CDK19: variants seen among roughly 807,000 people sequenced by gnomAD.
CDK19 encodes the protein cyclin-dependent kinase 19.
In CDK19, 20 loss-of-function variants were observed where a neutral mutation model predicts 68.3. The ratio of observed to expected loss-of-function variants is 0.29; its 90% CI spans 0.21 to 0.43. The LOEUF (loss-of-function observed/expected upper bound fraction) is 0.43, where lower values mean the gene tolerates loss of function less well. CDK19 is among the 20% of genes least tolerant of loss of function. The pLI is 1.00. For missense variants in CDK19, 339 were observed against 623.5 expected (o/e 0.54, Z 4.86); for synonymous variants, 221 against 222.8 (o/e 0.99, Z 0.07).
intron 1 of CDK19, among the ~76,000 whole-genome samples, chr6:110,758,515 A>G (rs537063254): frequency 2.0e-5 from 3 of 152,308 alleles, no homozygotes; most frequent in African/African-American, 4.8e-5. Flanking sequence ...TCATTTCTGT[A>G]TATTCTCTAG....
intron 1 of CDK19, among the ~76,000 whole-genome samples, chr6:110,811,060 G>A (rs891775292): frequency 7.9e-5 from 12 of 152,136 alleles, no homozygotes; most frequent in African/African-American, 2.7e-4. Context: ...GTGACACTAT[G>A]AGCATGACAG....
intron 5 of CDK19, among the ~76,000 whole-genome samples, chr6:110,634,294 G>C (rs1779620541): frequency 6.6e-6 from 1 of 152,174 alleles, no homozygotes; most frequent in Non-Finnish European, 1.5e-5. Context: ...TCAGCTCCCT[G>C]CAACCTCTAC....
intron 2 of CDK19, 80 bp from the exon 3 acceptor site, chr6:110,670,621 G>A (rs978691044): frequency 1.7e-5 from 14 of 822,852 alleles, no homozygotes; most frequent in African/African-American, 8.5e-5. Context: ...ACTTCAAAAC[G>A]AAATTTCTGA....
intron 2 of CDK19, among the ~76,000 whole-genome samples, chr6:110,703,266 G>A (rs763643020): frequency 1.2e-4 from 18 of 152,096 alleles, no homozygotes; most frequent in Admixed American, 8.5e-4. Flanking sequence ...GAATAGGCAA[G>A]CTGACTCAAA....
chr6:110,621,469 G>C lies in CDK19; in HGVS notation c.1111-99C>G. 6.6e-6 allele frequency: 8 copies of C among 1,203,214 alleles called. No individual in the cohort carries two copies. In the South Asian group the frequency reaches 1.0e-4, roughly 16 times the overall value. The allele number at this position is 1,203,214 out of a possible 1,614,324, so 74.5% of individuals were successfully genotyped here. On this transcript the variant is annotated intron_variant, in intron 11 of 12. Transcript: ENST00000368911. The surrounding 1 kb of genome is among the most constrained non-coding windows in gnomAD (Gnocchi z 5.4). The stretch of plus-strand genomic sequence containing the variant: ...CATGTGGCTGCTGACCAACCTGGGG[G>C]AGCAATCTATGTGGGACACTAGAGT...
At chr6:110,657,500 G>A (rs1781375537) in intron 4 of CDK19, among the ~76,000 whole-genome samples, 1 of 152,014 alleles carries the variant, frequency 6.6e-6, no homozygotes, top group Non-Finnish European at 1.5e-5. Context: ...ATTAAAATGG[G>A]TATACCTTAC....
intron 2 of CDK19, among the ~76,000 whole-genome samples, chr6:110,743,389 T>C (rs1179042244): frequency 1.3e-5 from 2 of 152,106 alleles, no homozygotes; most frequent in African/African-American, 4.8e-5. Context: ...TGCCTGTAAC[T>C]ACAGCACTTT....
intron 2 of CDK19, among the ~76,000 whole-genome samples, chr6:110,720,607 C>G (rs1461239363): frequency 6.6e-6 from 1 of 152,190 alleles, no homozygotes; most frequent in African/African-American, 2.4e-5. Context: ...TGGCTCATGT[C>G]TGTAATCCCA....
chr6:110,743,317 A>G (rs367980196), intron 2 of CDK19, among the ~76,000 whole-genome samples: 1 of 152,160 alleles, frequency 6.6e-6, no homozygotes, highest in African/African-American at 2.4e-5. Flanking sequence ...CACACTTTCT[A>G]AAGTTCTATT....
At chr6:110,703,817 T>C (rs758388475) in intron 2 of CDK19, among the ~76,000 whole-genome samples, 4 of 152,138 alleles carry the variant, frequency 2.6e-5, no homozygotes, top group African/African-American at 7.2e-5. Flanking sequence ...TCTAGCCTCA[T>C]TGACAGAGCA....
At chr6:110,708,860 T>A (rs1770994513) in intron 2 of CDK19, among the ~76,000 whole-genome samples, 2 of 152,212 alleles carry the variant, frequency 1.3e-5, no homozygotes. Context: ...AACAACTTGA[T>A]ATCTCAACTG....
chr6:110,786,482 T>C (rs1408768267), intron 1 of CDK19, among the ~76,000 whole-genome samples: 2 of 152,196 alleles, frequency 1.3e-5, no homozygotes, highest in Non-Finnish European at 1.5e-5. Context: ...TTGAGCTTGA[T>C]GGCTTCTGTG....
chr6:110,650,302 T>C (rs1464266399), intron 4 of CDK19, among the ~76,000 whole-genome samples: 2 of 152,206 alleles, frequency 1.3e-5, no homozygotes, highest in Non-Finnish European at 2.9e-5. Flanking sequence ...GCCAGGAGGA[T>C]AGAACAGGGG....
At chr6:110,673,618 T>G (rs1220553425) in intron 2 of CDK19, among the ~76,000 whole-genome samples, 2 of 151,914 alleles carry the variant, frequency 1.3e-5, no homozygotes, top group African/African-American at 4.8e-5. Context: ...GGTGAGGCAA[T>G]CAGAATACAC....
At chr6:110,790,165 T>C (rs1781492741) in intron 1 of CDK19, among the ~76,000 whole-genome samples, 1 of 152,254 alleles carries the variant, frequency 6.6e-6, no homozygotes, top group African/African-American at 2.4e-5. Context: ...AGATTCCACA[T>C]AGCTCTAAAC....
At chr6:110,787,179 C>G (rs939372503) in intron 1 of CDK19, among the ~76,000 whole-genome samples, 10 of 152,094 alleles carry the variant, frequency 6.6e-5, no homozygotes, top group Non-Finnish European at 1.3e-4. Context: ...TCGAGACCAG[C>G]CTTGGCCAAC....
At chr6:110,812,804 T>C (rs1405486423) in intron 1 of CDK19, among the ~76,000 whole-genome samples, 1 of 128,984 alleles carries the variant, frequency 7.8e-6, no homozygotes, top group Non-Finnish European at 1.6e-5. Flanking sequence ...GCCCACTGTT[T>C]AAAACAGTAA....
intron 1 of CDK19, among the ~76,000 whole-genome samples, chr6:110,808,956 C>T (rs1782871520): frequency 6.6e-6 from 1 of 151,792 alleles, no homozygotes; most frequent in South Asian, 2.1e-4. Flanking sequence ...CTTGTAATCC[C>T]GGCACTTTGG....
intron 2 of CDK19, among the ~76,000 whole-genome samples, chr6:110,677,425 G>T (rs943624186): frequency 6.6e-6 from 1 of 152,048 alleles, no homozygotes; most frequent in Non-Finnish European, 1.5e-5. Flanking sequence ...AATTAGCTGG[G>T]CGTGGTGGTG....
Sources: gnomAD v4.1 joint callset for allele counts (sites outside exome capture counted in the v4.1 genomes callset) on GRCh38, gnomAD v4.1.1 for gene constraint, Gnocchi (gnomAD v3.1) non-coding constraint, MANE v1.5 for transcripts, NCBI Gene and HGNC (gene_info 2026-07-23, HGNC 2026-07-21) for gene names.